The following HEATR4 variants were observed in gnomAD, a reference collection of about 807,000 sequenced individuals.
HEATR4 encodes the protein HEAT repeat containing 4.
In HEATR4, 95 loss-of-function variants were observed where a neutral mutation model predicts 108.8. That is an observed-to-expected ratio of 0.87 (90% CI 0.74 to 1.04). The LOEUF is 1.04. Ranked by LOEUF, HEATR4 falls within the 50% of genes least tolerant of loss-of-function variation. HEATR4 has a pLI of 0.00. For synonymous variants in HEATR4, 443 were observed against 459.4 expected (o/e 0.96, Z 0.46); for missense variants, 1,152 against 1,253.8 (o/e 0.92, Z 1.23).
chr14:73,585,662 C>G, the HEATR4 span, among the ~76,000 whole-genome samples: 7 of 151,490 alleles, frequency 4.6e-5, no homozygotes, highest in Non-Finnish European at 8.8e-5. Flanking sequence ...GCATTCCAGC[C>G]TGGGCAACTG....
In HEATR4 at chr14:73,539,149, T is replaced by G. The variant is rs1888986084; in HGVS notation, c.-151-8905A>C. The G allele has an allele frequency of 1.8e-5, 2 of 114,210 alleles. 1 individual carries two copies. The highest frequency in any genetic ancestry group is 5.6e-4 in the South Asian group (2 of 3,558). 7.1% of individuals were successfully genotyped at this position (114,210 alleles called of 1,614,324 possible). On this transcript the variant is annotated intron_variant, in intron 1 of 17. Coordinates refer to ENST00000553558, the MANE Select transcript of HEATR4 (RefSeq NM_001220484.1). ...TGCCAGGTGGCTGGGCCTGTGACAGTGCAGAGGTTTTGGTGCCTGCCCGCC... is the reference window on the plus strand; with the variant it reads ...TGCCAGGTGGCTGGGCCTGTGACAGGGCAGAGGTTTTGGTGCCTGCCCGCC...
chr14:73,569,316 G>A, the HEATR4 span: 1 of 1,613,958 alleles, frequency 6.2e-7, no homozygotes, highest in Non-Finnish European at 8.5e-7. Flanking sequence ...CTCATCTCCT[G>A]CTGTCCTTCG....
the HEATR4 span, chr14:73,612,671 C>A: frequency 7.1e-7 from 1 of 1,411,220 alleles, no homozygotes; most frequent in South Asian, 1.5e-5. Context: ...GCCAGTCACG[C>A]TGCGCACGTC....
In HEATR4 at chr14:73,500,719, C is replaced by T; in HGVS notation, c.2117G>A (p.Gly706Asp). The T allele has an allele frequency of 6.2e-7, 1 of 1,613,520 alleles. No individual in the cohort carries two copies. The highest frequency in any genetic ancestry group is 8.5e-7 in the Non-Finnish European group (1 of 1,179,610). The change falls in exon 12 of 18, where the codon GGT becomes GAT. Residue 706 changes from glycine (G) to aspartate (D), a missense_variant. Transcript: ENST00000553558. Reference protein sequence around the residue: ...EVHDIIRVKLGQGNSQERVEA... With the variant: ...EVHDIIRVKLDQGNSQERVEA... Reference sequence around the variant, plus strand: ...CACACGCTCCTGGGAATTTCCTTGACCTAGCTTGACCCTGTAAGGCACAAG... The same window carrying T: ...CACACGCTCCTGGGAATTTCCTTGATCTAGCTTGACCCTGTAAGGCACAAG...
chr14:73,584,000 TAA>T, the HEATR4 span, among the ~76,000 whole-genome samples: 1 of 143,650 alleles, frequency 7.0e-6, no homozygotes, highest in African/African-American at 2.5e-5. Context: ...AATCTCCGTC[TAA>T]AAAAAAAAAC....
chr14:73,604,164 C>CTTTTTTTTTTTTTTTTTT, the HEATR4 span, among the ~76,000 whole-genome samples: 3 of 120,780 alleles, frequency 2.5e-5, no homozygotes, highest in Non-Finnish European at 3.2e-5. Context: ...TTGCTAATTT[C>CTTTTTTTTTTTTTTTTTT]TTTTTTTTTT....
the HEATR4 span, chr14:73,591,875 A>C: frequency 7.8e-7 from 1 of 1,276,302 alleles, no homozygotes; most frequent in Non-Finnish European, 1.0e-6. Context: ...GGGACGCCGG[A>C]CGCCGTCCGG....
intron 17 of HEATR4, among the ~76,000 whole-genome samples, chr14:73,487,250 A>T (rs1047756887): frequency 6.7e-6 from 1 of 148,734 alleles, no homozygotes; most frequent in African/African-American, 2.4e-5. Flanking sequence ...GAATTAGGGA[A>T]AGTAAAGTTT....
chr14:73,577,905 C>CA, the HEATR4 span, among the ~76,000 whole-genome samples: 120 of 151,590 alleles, frequency 7.9e-4, 1 homozygote, highest in South Asian at 4.8e-3. Context: ...GGCTGGAGTA[C>CA]AATGGCTTGA....
At chr14:73,529,075 C>T (rs561271250) in intron 2 of HEATR4, 1 of 152,202 alleles carries the variant, frequency 6.6e-6, no homozygotes, top group African/African-American at 2.4e-5. Flanking sequence ...GTCAATCGGC[C>T]AGGCGTGGTG....
At chr14:73,569,404 A>G in the HEATR4 span, 8 of 1,613,862 alleles carry the variant, frequency 5.0e-6, no homozygotes, top group Non-Finnish European at 5.9e-6. Flanking sequence ...CAGGTTGGTC[A>G]GATCATTAGG....
chr14:73,619,541 G>A, the HEATR4 span: 1 of 1,614,184 alleles, frequency 6.2e-7, no homozygotes, highest in African/African-American at 1.3e-5. Context: ...TTTATTGTTG[G>A]CATGGATGAT....
chr14:73,567,316 A>G, the HEATR4 span, among the ~76,000 whole-genome samples: 1 of 152,098 alleles, frequency 6.6e-6, no homozygotes, highest in Admixed American at 6.6e-5. Flanking sequence ...TCTTGTAAGT[A>G]TTAACCATTA....
At chr14:73,569,942 C>G in the HEATR4 span, 2 of 1,535,768 alleles carry the variant, frequency 1.3e-6, no homozygotes, top group Non-Finnish European at 8.7e-7. Flanking sequence ...TGTGTCTCCC[C>G]CGCCCCACGC....
chr14:73,569,839 C>T, the HEATR4 span: 8 of 1,604,374 alleles, frequency 5.0e-6, no homozygotes, highest in African/African-American at 6.7e-5. Flanking sequence ...CGGCGCGAGC[C>T]GGTGCGCGTG....
At chr14:73,589,798 G>C in the HEATR4 span, among the ~76,000 whole-genome samples, 2 of 152,190 alleles carry the variant, frequency 1.3e-5, no homozygotes, top group Non-Finnish European at 2.9e-5. Context: ...CGTGTCTGGA[G>C]ATTGTACCTT....
At chr14:73,597,069 A>G in the HEATR4 span, among the ~76,000 whole-genome samples, 2 of 108,626 alleles carry the variant, frequency 1.8e-5, no homozygotes, top group Admixed American at 1.1e-4. Context: ...TGGTAATTTT[A>G]TTTTATTTAT....
chr14:73,564,603 G>A, the HEATR4 span, among the ~76,000 whole-genome samples: 19 of 151,438 alleles, frequency 1.3e-4, no homozygotes, highest in African/African-American at 3.4e-4. Context: ...GAGACACCCC[G>A]TCTTAAAAAA....
the HEATR4 span, chr14:73,595,481 C>T: frequency 5.0e-6 from 8 of 1,613,978 alleles, no homozygotes; most frequent in Admixed American, 1.0e-4. Context: ...CATCGAGCCT[C>T]CTTACTTCCC....
Sources: allele counts gnomAD v4.1 joint callset (sites outside exome capture counted in the v4.1 genomes callset), GRCh38; gene constraint gnomAD v4.1.1; transcripts MANE v1.5; gene names NCBI Gene and HGNC (gene_info 2026-07-23, HGNC 2026-07-21).